Variants in MANBA observed in about 807,000 individuals in gnomAD.
MANBA encodes the protein mannosidase beta.
In MANBA, 83 loss-of-function variants were observed where a neutral mutation model predicts 111.1. That is an observed-to-expected ratio of 0.75 (90% confidence interval 0.63 to 0.90). The LOEUF (loss-of-function observed/expected upper bound fraction) is 0.90, where lower values mean the gene tolerates loss of function less well. MANBA is among the 40% of genes least tolerant of loss of function. MANBA has a pLI of 0.00. For synonymous variants in MANBA, 370 were observed against 378.7 expected, an observed-to-expected ratio of 0.98 and a Z score of 0.27; for missense variants, 1,036 against 1,069.0, an observed-to-expected ratio of 0.97 and a Z score of 0.43.
intron 5 of MANBA, among the ~76,000 whole-genome samples, chr4:102,709,398 GAAAA>G (rs760906813): frequency 2.1e-5 from 2 of 93,916 alleles, no homozygotes; most frequent in Non-Finnish European, 5.3e-5. Flanking sequence ...AAGAAAGAAA[GAAAA>G]AAAAGAAAGA....
At chr4:102,727,229 T>A in intron 1 of MANBA, 1 of 442,986 alleles carries the variant, frequency 2.3e-6, no homozygotes, top group Non-Finnish European at 4.2e-6. Flanking sequence ...TGCTAAATGA[T>A]AGGAAAATCT....
At chr4:102,727,743 G>T in intron 1 of MANBA, 1 of 808,218 alleles carries the variant, frequency 1.2e-6, no homozygotes, top group Non-Finnish European at 2.1e-6. Context: ...TGGCATAGTA[G>T]TGTTTTCCAT....
chr4:102,684,026 T>C (rs1422206229), intron 7 of MANBA, among the ~76,000 whole-genome samples: 1 of 152,010 alleles, frequency 6.6e-6, no homozygotes, highest in Non-Finnish European at 1.5e-5. Flanking sequence ...ATTTCTGCTG[T>C]ATGGGCTGCA....
intron 1 of MANBA, among the ~76,000 whole-genome samples, chr4:102,732,084 T>C (rs1185353241): frequency 6.6e-6 from 1 of 152,156 alleles, no homozygotes; most frequent in African/African-American, 2.4e-5. Flanking sequence ...ATTTTTTGTG[T>C]GTTTTTAGTA....
intron 14 of MANBA, among the ~76,000 whole-genome samples, chr4:102,636,734 A>T (rs1480603512): frequency 6.6e-6 from 1 of 152,178 alleles, no homozygotes; most frequent in Non-Finnish European, 1.5e-5. Flanking sequence ...GGAGCTGGTG[A>T]TCCTCCTCAG....
chr4:102,689,718 T>A, intron 6 of MANBA, 34 bp from the exon 7 acceptor site: 1 of 1,174,168 alleles, frequency 8.5e-7, no homozygotes. Flanking sequence ...CTCTAATATG[T>A]CATATTTTCA....
intron 4 of MANBA, chr4:102,722,549 C>A (rs1722624659): frequency 6.1e-6 from 2 of 326,770 alleles, no homozygotes; most frequent in Non-Finnish European, 1.2e-5. Context: ...TACATTTTCA[C>A]AATCTGGTGA....
At position 102,675,395 on chromosome 4, in the gene MANBA, A is replaced by G. The variant is rs564762878; in HGVS notation, c.961-1325T>C. On this transcript the variant is annotated intron_variant, in intron 7 of 16. Coordinates refer to ENST00000647097, the MANE Select transcript of MANBA (RefSeq NM_005908.4). Reference sequence around the variant, plus strand: ...TGATGTAGCTCTGCGGCAGAGGTTTATGGTATGAAGCAGTGCATTTTCAGA... The same window carrying G: ...TGATGTAGCTCTGCGGCAGAGGTTTGTGGTATGAAGCAGTGCATTTTCAGA... 1.6e-4 allele frequency among the ~76,000 whole-genome samples: 25 copies of G among 152,286 alleles called. No homozygotes were observed. The South Asian group carries it at 5.2e-3, about 32-fold the overall frequency.
chr4:102,752,356 C>T, intron 1 of MANBA: 1 of 1,361,628 alleles, frequency 7.3e-7, no homozygotes, highest in Non-Finnish European at 1.0e-6. Context: ...ACTGTGGGAT[C>T]CCCGAACTAA....
intron 11 of MANBA, among the ~76,000 whole-genome samples, chr4:102,662,410 C>A (rs1235717718): frequency 6.6e-6 from 1 of 151,826 alleles, no homozygotes; most frequent in Admixed American, 6.6e-5. Context: ...TGTGGTGGTG[C>A]ATGCCCGTAA....
At chr4:102,687,411 T>G (rs1042606629) in intron 7 of MANBA, among the ~76,000 whole-genome samples, 1 of 152,174 alleles carries the variant, frequency 6.6e-6, no homozygotes, top group Admixed American at 6.6e-5. Flanking sequence ...CTCAGGACAG[T>G]GCTTCTTCCT....
chr4:102,726,611 AT>A lies in MANBA; in HGVS notation c.249del (p.Glu83AspfsTer14). The A allele has an allele frequency of 6.5e-7, 1 of 1,543,708 alleles. No homozygotes were observed. Among genetic ancestry groups the A allele is most frequent in the Non-Finnish European group, 8.9e-7 (1 of 1,117,346 alleles). On this transcript the variant is annotated frameshift_variant, in exon 2 of 17. Coordinates refer to ENST00000647097, the MANE Select transcript of MANBA (RefSeq NM_005908.4). LOFTEE classifies it high-confidence loss of function. ...VSLDNWTYSK[E>X]FKIPFEISKW... is the part of the protein sequence containing the mutation. ...TACCTAATTTCAAAGGGGATTTTAA[AT>A]TCTTTGCTATAGGTCCAGTTATCCA...
chr4:102,683,846 C>T (rs543763954), intron 7 of MANBA, among the ~76,000 whole-genome samples: 1 of 152,066 alleles, frequency 6.6e-6, no homozygotes, highest in Non-Finnish European at 1.5e-5. Flanking sequence ...TTTAAATTGC[C>T]TGTTGATATT....
chr4:102,664,689 A>T lies in MANBA; in HGVS notation c.1481T>A (p.Leu494Gln). ...GCATTAAAAATCATTACTTACTGCCAGTACGAGCTCTCTGATGTTTTTCAC... is the reference window on the plus strand; with the variant it reads ...GCATTAAAAATCATTACTTACTGCCTGTACGAGCTCTCTGATGTTTTTCAC... Reference protein sequence around the residue: ...LYVKNIRELVLAGDKSRPFIT... With the variant: ...LYVKNIRELVQAGDKSRPFIT... Residue 494 changes from leucine (L) to glutamine (Q), a missense_variant, in exon 11 of 17, where the codon CTG becomes CAG. Coordinates refer to ENST00000647097, the MANE Select transcript of MANBA (RefSeq NM_005908.4). The T allele has an allele frequency of 6.2e-7, 1 of 1,611,360 alleles. No individual in the cohort carries two copies. The highest frequency in any genetic ancestry group is 1.3e-5 in the African/African-American group (1 of 75,010).
chr4:102,697,355 ATTTT>A (rs928820442), intron 5 of MANBA, among the ~76,000 whole-genome samples: 1 of 150,568 alleles, frequency 6.6e-6, no homozygotes, highest in African/African-American at 2.5e-5. Flanking sequence ...ATTTTATTTT[ATTTT>A]TTTATTATTA....
chr4:102,714,380 C>A, intron 5 of MANBA, 58 bp downstream of exon 5: 1 of 1,506,286 alleles, frequency 6.6e-7, no homozygotes, highest in East Asian at 2.3e-5. Flanking sequence ...CAATTATAAA[C>A]CCAATTTTTA....
At chr4:102,695,379 A>G (rs987442554) in intron 5 of MANBA, among the ~76,000 whole-genome samples, 1 of 152,202 alleles carries the variant, frequency 6.6e-6, no homozygotes, top group Non-Finnish European at 1.5e-5. Context: ...CAAGTTTGTC[A>G]AAAAGTAACA....
At chr4:102,710,294 T>A (rs1387390919) in intron 5 of MANBA, among the ~76,000 whole-genome samples, 4 of 152,140 alleles carry the variant, frequency 2.6e-5, no homozygotes, top group African/African-American at 9.7e-5. Context: ...TTAGATCTGA[T>A]AAATAAATTC....
In MANBA at chr4:102,744,498, T is replaced by C. The variant is rs559402984; in HGVS notation, c.177+16220A>G. On this transcript the variant is annotated intron_variant, in intron 1 of 16. Transcript: ENST00000647097. ...TCCCTGAGGTAGGACAGCAAAGGTA[T>C]ATTGCTGGCCTTGCTAGCTGAAGGC... 1.8e-4 allele frequency among the ~76,000 whole-genome samples: 27 copies of C among 152,346 alleles called. No homozygotes were observed. In the South Asian group the frequency reaches 5.4e-3, roughly 30 times the overall value.
Sources: allele counts gnomAD v4.1 joint callset (sites outside exome capture counted in the v4.1 genomes callset), GRCh38; gene constraint gnomAD v4.1.1; transcripts MANE v1.5; gene names NCBI Gene and HGNC (gene_info 2026-07-23, HGNC 2026-07-21).